MAGI2: variants seen among roughly 807,000 people sequenced by gnomAD.
MAGI2 encodes the protein membrane associated guanylate kinase, WW and PDZ domain containing 2.
Under a neutral mutation model 133.3 loss-of-function variants are expected in MAGI2, and 35 were observed. That is an observed-to-expected ratio of 0.26 (90% CI 0.20 to 0.35). The LOEUF (loss-of-function observed/expected upper bound fraction) is 0.35. Among genes scored for constraint, MAGI2 ranks in the 10% least tolerant of loss-of-function variants. The pLI is 1.00. For synonymous variants in MAGI2, 729 were observed against 710.6 expected, an observed-to-expected ratio of 1.03 and a Z score of -0.41; for missense variants, 1,636 against 1,863.4, an observed-to-expected ratio of 0.88 and a Z score of 2.25.
intron 1 of MAGI2, among the ~76,000 whole-genome samples, chr7:79,380,726 A>T (rs1032058780): frequency 2.0e-5 from 3 of 151,752 alleles, no homozygotes; most frequent in Non-Finnish European, 4.4e-5. Flanking sequence ...ACTAAATGAG[A>T]AGTTGCAACA....
At chr7:78,464,350 T>C (rs1047056967) in intron 6 of MAGI2, among the ~76,000 whole-genome samples, 7 of 152,192 alleles carry the variant, frequency 4.6e-5, no homozygotes, top group African/African-American at 1.4e-4. Flanking sequence ...CAATTTTTAG[T>C]TCATGCCTTA....
chr7:79,413,226 A>C (rs944799717), intron 1 of MAGI2: 14 of 152,122 alleles, frequency 9.2e-5, no homozygotes, highest in Non-Finnish European at 1.3e-4. Flanking sequence ...TGCAGCTTTG[A>C]TCTTATGAGG....
In MAGI2 at chr7:78,453,890, A is replaced by AT. The variant is rs201827771; in HGVS notation, c.1045+35870dup. 6.8e-3 allele frequency among the ~76,000 whole-genome samples: 1,028 copies of AT among 151,954 alleles called. 10 individuals carry two copies. Among genetic ancestry groups the AT allele is most frequent in the African/African-American group, 0.02 (847 of 41,416 alleles). On this transcript the variant is annotated intron_variant, in intron 6 of 21. Coordinates refer to ENST00000354212, the MANE Select transcript of MAGI2 (RefSeq NM_012301.4). ...TTGTTCTGTTCCTCTTTTACACAAC[A>AT]TTTTTTTCCGTTTTTATTGGTATAT...
At chr7:78,995,015 C>A (rs1806148248) in intron 2 of MAGI2, among the ~76,000 whole-genome samples, 1 of 151,880 alleles carries the variant, frequency 6.6e-6, no homozygotes, top group Non-Finnish European at 1.5e-5. Flanking sequence ...TCTAGTAGAG[C>A]TGACATCAAA....
intron 2 of MAGI2, among the ~76,000 whole-genome samples, chr7:78,906,267 G>T (rs568651268): frequency 1.3e-5 from 2 of 152,242 alleles, no homozygotes; most frequent in South Asian, 4.1e-4. Flanking sequence ...TTCTGTCACC[G>T]CTAGAAAAGT....
chr7:78,581,311 G>T (rs967157169), intron 3 of MAGI2, among the ~76,000 whole-genome samples: 4 of 152,130 alleles, frequency 2.6e-5, no homozygotes, highest in African/African-American at 9.7e-5. Context: ...CTCTCCAAGG[G>T]AGTTGCTTCT....
intron 1 of MAGI2, among the ~76,000 whole-genome samples, chr7:79,325,218 C>A (rs151047312): frequency 6.5e-4 from 99 of 152,158 alleles, no homozygotes; most frequent in African/African-American, 2.3e-3. Context: ...TTTAGCATGC[C>A]ACTGTCGCCC....
At chr7:78,573,076 T>TATATATATATACACACAC (rs1230373322) in intron 3 of MAGI2, among the ~76,000 whole-genome samples, 1 of 52,582 alleles carries the variant, frequency 1.9e-5, no homozygotes, top group Non-Finnish European at 3.1e-5. Flanking sequence ...TATATATATA[T>TATATATATATACACACAC]ACACACACAC....
chr7:79,261,341 C>G (rs1309724373), intron 1 of MAGI2, among the ~76,000 whole-genome samples: 1 of 152,208 alleles, frequency 6.6e-6, no homozygotes, highest in African/African-American at 2.4e-5. Context: ...CCTGTTTCAG[C>G]TGGAAAGACC....
intron 3 of MAGI2, among the ~76,000 whole-genome samples, chr7:78,624,607 G>A (rs1295185721): frequency 6.6e-6 from 1 of 152,028 alleles, no homozygotes; most frequent in Non-Finnish European, 1.5e-5. Flanking sequence ...GAGAACACAT[G>A]GACATAGGGG....
chr7:78,595,653 A>G (rs1481933442), intron 3 of MAGI2, among the ~76,000 whole-genome samples: 1 of 152,252 alleles, frequency 6.6e-6, no homozygotes, highest in Non-Finnish European at 1.5e-5. Context: ...AATGAGAATT[A>G]GTTCATTTTT....
chr7:79,408,407 A>T (rs1845946579), intron 1 of MAGI2, among the ~76,000 whole-genome samples: 1 of 152,174 alleles, frequency 6.6e-6, no homozygotes, highest in Admixed American at 6.6e-5. Flanking sequence ...TTAGCAAAAA[A>T]TGTCTAGAGT....
intron 1 of MAGI2, among the ~76,000 whole-genome samples, chr7:79,339,161 C>A (rs1490773784): frequency 6.6e-6 from 1 of 152,042 alleles, no homozygotes; most frequent in Non-Finnish European, 1.5e-5. Context: ...CCTCATTACT[C>A]TATTTAAAGG....
At chr7:78,564,494 A>T (rs116720745) in intron 3 of MAGI2, among the ~76,000 whole-genome samples, 1,802 of 152,302 alleles carry the variant, frequency 0.012, 33 homozygotes, top group African/African-American at 0.039. Flanking sequence ...AAAGAAAGTT[A>T]GATAATTTTT....
chr7:78,393,383 G>C (rs1273432334), intron 6 of MAGI2, among the ~76,000 whole-genome samples: 1 of 152,314 alleles, frequency 6.6e-6, no homozygotes, highest in Non-Finnish European at 1.5e-5. Context: ...GTTAGTTTCT[G>C]TGGGCAGCTG....
chr7:79,216,001 A>AC (rs1830005516), intron 1 of MAGI2, among the ~76,000 whole-genome samples: 1 of 151,886 alleles, frequency 6.6e-6, no homozygotes, highest in Admixed American at 6.6e-5. Context: ...CAAGCCTGGA[A>AC]ACCCGCAGCG....
chr7:78,182,591 C>T (rs1827288953), intron 13 of MAGI2, among the ~76,000 whole-genome samples: 1 of 152,178 alleles, frequency 6.6e-6, no homozygotes, highest in African/African-American at 2.4e-5. Context: ...ACCTCTGATT[C>T]ATTCCTGCCA....
chr7:78,989,831 T>C (rs7809089), intron 2 of MAGI2, among the ~76,000 whole-genome samples: 115,559 of 151,850 alleles, frequency 0.76, 44,333 homozygotes, highest in African/African-American at 0.85. Flanking sequence ...CAAATAACTG[T>C]CACAGAACAA....
chr7:79,265,514 C>T (rs1834386727), intron 1 of MAGI2, among the ~76,000 whole-genome samples: 1 of 151,952 alleles, frequency 6.6e-6, no homozygotes, highest in Admixed American at 6.6e-5. Context: ...GTGTGAATGT[C>T]CATATTTATA....
Sources: allele counts gnomAD v4.1 joint callset (sites outside exome capture counted in the v4.1 genomes callset), GRCh38; gene constraint gnomAD v4.1.1; transcripts MANE v1.5; gene names NCBI Gene and HGNC (gene_info 2026-07-23, HGNC 2026-07-21).